Variants in CRB1 observed in about 807,000 individuals in gnomAD.
The protein encoded by CRB1 is crumbs cell polarity complex component 1, also known as protein crumbs homolog 1.
CRB1 carries 83 observed loss-of-function variants against 120.0 expected under a neutral mutation model. That is an observed-to-expected ratio of 0.69 (90% CI 0.58 to 0.83). The LOEUF (loss-of-function observed/expected upper bound fraction) is 0.83, where lower values mean the gene tolerates loss of function less well. Among genes scored for constraint, CRB1 ranks in the 40% least tolerant of loss-of-function variants. CRB1 has a pLI of 0.00. For synonymous variants in CRB1, 625 were observed against 612.5 expected (o/e 1.02, Z -0.30); for missense variants, 1,699 against 1,687.6 (o/e 1.01, Z -0.12).
intron 1 of CRB1, among the ~76,000 whole-genome samples, chr1:197,273,159 C>T (rs2125203233): frequency 6.6e-6 from 1 of 151,998 alleles, no homozygotes; most frequent in Admixed American, 6.6e-5. Context: ...CTCAGGCTTT[C>T]CTTGTTTTTG....
chr1:197,386,949 G>A (rs922480389), intron 5 of CRB1, among the ~76,000 whole-genome samples: 4 of 151,958 alleles, frequency 2.6e-5, no homozygotes, highest in Non-Finnish European at 4.4e-5. Context: ...TATTGGCTAC[G>A]ACAATTTCAT....
chr1:197,410,590 G>A (rs1663656987), intron 5 of CRB1, among the ~76,000 whole-genome samples: 1 of 152,202 alleles, frequency 6.6e-6, no homozygotes, highest in Admixed American at 6.5e-5. Context: ...GCCTTCTAAA[G>A]AAGTTACTGC....
chr1:197,334,447 G>A (rs1456869792), intron 2 of CRB1, among the ~76,000 whole-genome samples: 1 of 152,134 alleles, frequency 6.6e-6, no homozygotes, highest in Non-Finnish European at 1.5e-5. Context: ...CATGAGGATG[G>A]AACCTTCAGG....
At chr1:197,246,093 G>T in the CRB1 span, among the ~76,000 whole-genome samples, 12 of 152,022 alleles carry the variant, frequency 7.9e-5, no homozygotes, top group Admixed American at 7.9e-4. Context: ...GGAAATATGG[G>T]AGGAGCCTTG....
chr1:197,385,038 G>A (rs1221970715), intron 5 of CRB1, among the ~76,000 whole-genome samples: 1 of 152,136 alleles, frequency 6.6e-6, no homozygotes, highest in Non-Finnish European at 1.5e-5. Flanking sequence ...TTCCAGGGAG[G>A]AAAGGATATG....
intron 5 of CRB1, chr1:197,364,017 A>G: frequency 7.2e-7 from 1 of 1,385,116 alleles, no homozygotes; most frequent in South Asian, 1.2e-5. Flanking sequence ...ACAGTATGGA[A>G]ATGGCTCACA....
chr1:197,244,553 G>T, the CRB1 span, among the ~76,000 whole-genome samples: 1 of 151,878 alleles, frequency 6.6e-6, no homozygotes, highest in Non-Finnish European at 1.5e-5. Context: ...TTTACTTACA[G>T]GTAGGGTGTA....
chr1:197,468,137 T>C (rs758953778), intron 11 of CRB1, among the ~76,000 whole-genome samples: 1 of 152,138 alleles, frequency 6.6e-6, no homozygotes. Context: ...ATCATGGTGA[T>C]TCCTTCAGCC....
chr1:197,333,174 AAG>A (rs895629026), intron 2 of CRB1, among the ~76,000 whole-genome samples: 1 of 152,218 alleles, frequency 6.6e-6, no homozygotes, highest in Non-Finnish European at 1.5e-5. Flanking sequence ...GAAGGGGAAA[AAG>A]AGCTGTAGCA....
chr1:197,388,872 C>A (rs1571451362), intron 5 of CRB1, among the ~76,000 whole-genome samples: 1 of 152,002 alleles, frequency 6.6e-6, no homozygotes, highest in East Asian at 1.9e-4. Context: ...CAAATAAAAA[C>A]CTGATTTTAA....
At chr1:197,372,748 T>A (rs1377712948) in intron 5 of CRB1, among the ~76,000 whole-genome samples, 3 of 151,208 alleles carry the variant, frequency 2.0e-5, no homozygotes, top group Non-Finnish European at 4.4e-5. Flanking sequence ...TGAAACAAAG[T>A]TGTGGGACCT....
At chr1:197,289,872 G>T (rs1571774824) in intron 1 of CRB1, among the ~76,000 whole-genome samples, 1 of 151,200 alleles carries the variant, frequency 6.6e-6, no homozygotes, top group East Asian at 1.9e-4. Flanking sequence ...ATTTTATAAA[G>T]ATATATATCT....
the CRB1 span, among the ~76,000 whole-genome samples, chr1:197,250,610 G>T: frequency 6.6e-6 from 1 of 151,984 alleles, no homozygotes; most frequent in Non-Finnish European, 1.5e-5. Context: ...CATTAGGGGC[G>T]TAGAGAGGGG....
Position 197,421,168 on chromosome 1 carries a change from A to G in CRB1, c.1340A>G (p.His447Arg). The G allele has an allele frequency of 6.2e-7, 1 of 1,614,214 alleles. No individual in the cohort carries two copies. ...TCTGATATTCTCCTGGGCTGTACCCATCAGCAATGTCTAAATAATGGAACA... is the reference window on the plus strand; with the variant it reads ...TCTGATATTCTCCTGGGCTGTACCCGTCAGCAATGTCTAAATAATGGAACA... Reference protein sequence around the residue: ...DCSDILLGCTHQQCLNNGTCI... With the variant: ...DCSDILLGCTRQQCLNNGTCI... Residue 447 changes from histidine (H) to arginine (R), a missense_variant, in exon 6 of 12, where the codon CAT (histidine) becomes CGT (arginine). Coordinates refer to ENST00000367400, the MANE Select transcript of CRB1 (RefSeq NM_201253.3).
intron 6 of CRB1, among the ~76,000 whole-genome samples, chr1:197,423,791 T>C (rs1015865439): frequency 6.6e-6 from 1 of 152,168 alleles, no homozygotes; most frequent in Non-Finnish European, 1.5e-5. Context: ...GGATAGAGGA[T>C]TTTGGTGGCT....
the CRB1 span, among the ~76,000 whole-genome samples, chr1:197,202,391 C>A: frequency 6.6e-6 from 1 of 152,036 alleles, no homozygotes; most frequent in Non-Finnish European, 1.5e-5. Flanking sequence ...ACTCATCCCA[C>A]AAAAACTAGC....
At chr1:197,363,980 A>G (rs1349703397) in intron 5 of CRB1, 4 of 1,368,788 alleles carry the variant, frequency 2.9e-6, no homozygotes, top group South Asian at 2.3e-5. Context: ...CGACAGAGGG[A>G]AAGCTATGAA....
At chr1:197,292,722 G>T (rs1342241898) in intron 1 of CRB1, among the ~76,000 whole-genome samples, 2 of 151,964 alleles carry the variant, frequency 1.3e-5, no homozygotes, top group Non-Finnish European at 2.9e-5. Flanking sequence ...ATGATCAAGT[G>T]GGCTTCATCC....
intron 1 of CRB1, among the ~76,000 whole-genome samples, chr1:197,307,225 A>G (rs1657226432): frequency 6.6e-6 from 1 of 152,294 alleles, no homozygotes; most frequent in South Asian, 2.1e-4. Flanking sequence ...AGTATTGCAG[A>G]GTTCAAGCTT....
Sources: gnomAD v4.1 joint callset for allele counts (sites outside exome capture counted in the v4.1 genomes callset) on GRCh38, gnomAD v4.1.1 for gene constraint, MANE v1.5 for transcripts, NCBI Gene and HGNC (gene_info 2026-07-23, HGNC 2026-07-21) for gene names.